RBFOX3: variants seen among roughly 807,000 people sequenced by gnomAD.
The protein encoded by RBFOX3 is RNA binding fox-1 homolog 3, also known as RNA binding protein fox-1 homolog 3.
Under a neutral mutation model 48.7 loss-of-function variants are expected in RBFOX3, and 17 were observed. That is an observed-to-expected ratio of 0.35 (90% CI 0.24 to 0.52). RBFOX3 has a LOEUF of 0.52. RBFOX3 is among the 20% of genes least tolerant of loss of function. The pLI, the probability that RBFOX3 is intolerant of heterozygous loss-of-function variation, is 0.94. For synonymous variants in RBFOX3, 212 were observed against 209.5 expected (o/e 1.01, Z -0.10); for missense variants, 382 against 497.5 (o/e 0.77, Z 2.21).
At chr17:79,343,531 A>G (rs1416476758) in intron 2 of RBFOX3, among the ~76,000 whole-genome samples, 1 of 152,218 alleles carries the variant, frequency 6.6e-6, no homozygotes, top group East Asian at 1.9e-4. Context: ...GAAAAAACAA[A>G]CAAACAAACA....
chr17:79,104,424 C>A (rs1239955625), intron 6 of RBFOX3, among the ~76,000 whole-genome samples: 1 of 152,120 alleles, frequency 6.6e-6, no homozygotes, highest in Non-Finnish European at 1.5e-5. Context: ...CCGTGTCTCC[C>A]TTCTGCCTTG....
At chr17:79,660,727 C>A in the RBFOX3 span, among the ~76,000 whole-genome samples, 8 of 152,052 alleles carry the variant, frequency 5.3e-5, no homozygotes, top group African/African-American at 9.7e-5. Context: ...GTGGTGATTC[C>A]TCAAAGATCT....
chr17:79,518,214 T>A (rs2085526846), intron 1 of RBFOX3, among the ~76,000 whole-genome samples: 1 of 152,216 alleles, frequency 6.6e-6, no homozygotes. Context: ...TTTTTTTCTC[T>A]CTCTCTCCTC....
chr17:79,403,787 T>C (rs1364250326), intron 2 of RBFOX3, among the ~76,000 whole-genome samples: 9 of 146,682 alleles, frequency 6.1e-5, no homozygotes, highest in East Asian at 2.0e-4. Context: ...TTTTTCTTTT[T>C]TTTTTTTTTT....
intron 2 of RBFOX3, among the ~76,000 whole-genome samples, chr17:79,349,647 A>G (rs1397175792): frequency 1.3e-5 from 2 of 152,024 alleles, no homozygotes; most frequent in East Asian, 1.9e-4. Context: ...CAGGCCCGGC[A>G]ATGCCTGAAG....
intron 1 of RBFOX3, among the ~76,000 whole-genome samples, chr17:79,579,696 GA>G (rs1198755485): frequency 6.6e-6 from 1 of 151,532 alleles, no homozygotes; most frequent in Admixed American, 6.6e-5. Context: ...CCATGGTGGG[GA>G]AGTCACTGGC....
chr17:79,340,675 G>A (rs1448006740), intron 2 of RBFOX3, among the ~76,000 whole-genome samples: 11 of 152,028 alleles, frequency 7.2e-5, no homozygotes, highest in Admixed American at 5.9e-4. Context: ...ACCTGGAGAC[G>A]CAAGCACTTG....
chr17:79,606,013 C>A (rs1186952568), intron 1 of RBFOX3, among the ~76,000 whole-genome samples: 1 of 152,214 alleles, frequency 6.6e-6, no homozygotes, highest in Non-Finnish European at 1.5e-5. Context: ...TCTTCTGCCC[C>A]CTATCCCCTG....
intron 2 of RBFOX3, among the ~76,000 whole-genome samples, chr17:79,383,148 A>G (rs1414194450): frequency 6.6e-6 from 1 of 152,078 alleles, no homozygotes; most frequent in East Asian, 1.9e-4. Flanking sequence ...TCTTGAGATC[A>G]CAGCACAGAA....
chr17:79,329,952 A>G (rs2079966053), intron 2 of RBFOX3, among the ~76,000 whole-genome samples: 1 of 152,128 alleles, frequency 6.6e-6, no homozygotes, highest in African/African-American at 2.4e-5. Context: ...CACTCATCCC[A>G]GGAGCACCTC....
At chr17:79,409,699 C>T (rs2064018219) in intron 2 of RBFOX3, among the ~76,000 whole-genome samples, 1 of 152,184 alleles carries the variant, frequency 6.6e-6, no homozygotes, top group South Asian at 2.1e-4. Context: ...GGCCTGAGAC[C>T]TGGAGCTGGC....
chr17:79,270,003 G>A (rs748633695), intron 3 of RBFOX3, among the ~76,000 whole-genome samples: 9 of 151,996 alleles, frequency 5.9e-5, no homozygotes, highest in Non-Finnish European at 1.3e-4. Flanking sequence ...TCCATTCAGC[G>A]AGCATCTGTC....
Position 79,299,537 on chromosome 17 carries a change from G to A in RBFOX3, c.-74+8187C>T, listed in dbSNP as rs2074974354. On this transcript the variant is annotated intron_variant, in intron 3 of 14. Coordinates refer to ENST00000693108, the MANE Select transcript of RBFOX3 (RefSeq NM_001350451.2). This position sits in a 1 kb window ranked among gnomAD's most constrained non-coding sequence, Gnocchi z 4.5. ...GCGTCACCTAGAGGTGATCTCCAGG[G>A]TACTGGAGGATGCACGTGGGTTACA... Among the ~76,000 whole-genome samples, 1 of 152,192 alleles carries A rather than the reference G, an allele frequency of 6.6e-6. No homozygotes were observed. The highest frequency in any genetic ancestry group is 2.4e-5 in the African/African-American group (1 of 41,448).
chr17:79,400,627 G>A (rs1568183710), intron 2 of RBFOX3, among the ~76,000 whole-genome samples: 2 of 71,470 alleles, frequency 2.8e-5, no homozygotes, highest in Non-Finnish European at 6.1e-5. Flanking sequence ...CGTGTGACCC[G>A]CGAATTAACC....
intron 2 of RBFOX3, among the ~76,000 whole-genome samples, chr17:79,332,748 C>T (rs1306602460): frequency 8.3e-6 from 1 of 119,960 alleles, no homozygotes. Flanking sequence ...AGCAGAGACA[C>T]AGAGAGAGAC....
chr17:79,265,959 A>C (rs538905797), intron 3 of RBFOX3, among the ~76,000 whole-genome samples: 1 of 152,346 alleles, frequency 6.6e-6, no homozygotes, highest in East Asian at 1.9e-4. Flanking sequence ...GGCAGCAGGA[A>C]TTTAAATTTA....
chr17:79,510,169 TG>T (rs2149835575), intron 1 of RBFOX3, among the ~76,000 whole-genome samples: 1 of 152,110 alleles, frequency 6.6e-6, no homozygotes, highest in African/African-American at 2.4e-5. Flanking sequence ...GGACGGGTGG[TG>T]GAATTGTCTG....
chr17:79,304,055 GTA>G (rs1411251486), intron 3 of RBFOX3, among the ~76,000 whole-genome samples: 1 of 152,166 alleles, frequency 6.6e-6, no homozygotes, highest in Non-Finnish European at 1.5e-5. Context: ...TCTTTGGAGT[GTA>G]TGTTTGCAGT....
At chr17:79,509,468 A>G (rs1353117193) in intron 1 of RBFOX3, among the ~76,000 whole-genome samples, 1 of 151,362 alleles carries the variant, frequency 6.6e-6, no homozygotes, top group Non-Finnish European at 1.5e-5. Flanking sequence ...ACACTTGGGG[A>G]GCTTGGAAAC....
Sources: allele counts gnomAD v4.1 joint callset (sites outside exome capture counted in the v4.1 genomes callset), GRCh38; gene constraint gnomAD v4.1.1; non-coding constraint Gnocchi (gnomAD v3.1); transcripts MANE v1.5; gene names NCBI Gene and HGNC (gene_info 2026-07-23, HGNC 2026-07-21).